Variants in PKP4 observed in about 807,000 individuals in gnomAD.
The protein encoded by PKP4 is plakophilin 4.
Under a neutral mutation model 145.1 loss-of-function variants are expected in PKP4, and 90 were observed. The observed-to-expected ratio is 0.62, with a 90% CI of 0.52 to 0.74. The LOEUF (loss-of-function observed/expected upper bound fraction) is 0.74, where lower values mean the gene tolerates loss of function less well. Among genes scored for constraint, PKP4 ranks in the 30% least tolerant of loss-of-function variants. The probability of loss-of-function intolerance (pLI) is 0.00; values close to 1 mark genes in which losing one functional copy is unlikely to be tolerated. For synonymous variants in PKP4, 563 were observed against 577.2 expected, an observed-to-expected ratio of 0.98 and a Z score of 0.35; for missense variants, 1,340 against 1,482.7, an observed-to-expected ratio of 0.90 and a Z score of 1.58.
chr2:158,533,705 T>G (rs1171744957), intron 2 of PKP4, among the ~76,000 whole-genome samples: 5 of 152,202 alleles, frequency 3.3e-5, no homozygotes, highest in Admixed American at 1.3e-4. Flanking sequence ...TTAACATAGG[T>G]AGTATATAGG....
intron 1 of PKP4, among the ~76,000 whole-genome samples, chr2:158,509,006 A>G (rs1195495290): frequency 6.6e-6 from 1 of 152,342 alleles, no homozygotes; most frequent in East Asian, 1.9e-4. Context: ...AGTATCTAAG[A>G]GAAATATCTA....
At chr2:158,523,118 T>G (rs1157928932) in intron 1 of PKP4, among the ~76,000 whole-genome samples, 1 of 152,126 alleles carries the variant, frequency 6.6e-6, no homozygotes, top group African/African-American at 2.4e-5. Flanking sequence ...TACAACTGGG[T>G]GGAGCCCACC....
chr2:158,619,197 T>C (rs1288851559), intron 4 of PKP4, among the ~76,000 whole-genome samples: 1 of 152,218 alleles, frequency 6.6e-6, no homozygotes, highest in African/African-American at 2.4e-5. Context: ...TAAGAATGTT[T>C]AGAACTCTGG....
chr2:158,639,218 T>C (rs2054065022), intron 9 of PKP4, among the ~76,000 whole-genome samples: 1 of 152,210 alleles, frequency 6.6e-6, no homozygotes. Context: ...GACTAAACTT[T>C]TTAGTTTGGC....
chr2:158,500,948 C>T (rs1394661904), intron 1 of PKP4, among the ~76,000 whole-genome samples: 1 of 152,102 alleles, frequency 6.6e-6, no homozygotes, highest in Non-Finnish European at 1.5e-5. Flanking sequence ...CTTGATACTG[C>T]CTCTAATGAA....
At chr2:158,614,446 A>T (rs2051403539) in intron 4 of PKP4, among the ~76,000 whole-genome samples, 1 of 152,334 alleles carries the variant, frequency 6.6e-6, no homozygotes, top group Non-Finnish European at 1.5e-5. Flanking sequence ...AAATGGATGC[A>T]TGAGTTTCCC....
chr2:158,474,851 C>T (rs1221405281), intron 1 of PKP4, among the ~76,000 whole-genome samples: 2 of 152,184 alleles, frequency 1.3e-5, no homozygotes, highest in Admixed American at 1.3e-4. Context: ...GAAGAGCCCT[C>T]AAGAGGTATG....
chr2:158,474,344 T>G (rs1692105456), intron 1 of PKP4, among the ~76,000 whole-genome samples: 1 of 152,202 alleles, frequency 6.6e-6, no homozygotes, highest in Non-Finnish European at 1.5e-5. Context: ...ATATCACTTC[T>G]AAGACATTAT....
intron 11 of PKP4, among the ~76,000 whole-genome samples, chr2:158,649,827 G>A (rs1003237286): frequency 2.0e-4 from 30 of 152,340 alleles, no homozygotes; most frequent in African/African-American, 6.5e-4. Flanking sequence ...TGGGAATATG[G>A]AGACCCCAGG....
intron 4 of PKP4, among the ~76,000 whole-genome samples, chr2:158,617,580 T>C (rs1329125640): frequency 1.3e-5 from 2 of 152,198 alleles, no homozygotes; most frequent in African/African-American, 2.4e-5. Flanking sequence ...TAAAATTCAT[T>C]CATCTTAAAG....
At chr2:158,532,508 C>T (rs1442443787) in intron 1 of PKP4, among the ~76,000 whole-genome samples, 1 of 152,150 alleles carries the variant, frequency 6.6e-6, no homozygotes, top group Non-Finnish European at 1.5e-5. Context: ...TAACATTTTA[C>T]ACTAATCATC....
At chr2:158,593,853 A>G (rs1007667801) in intron 3 of PKP4, among the ~76,000 whole-genome samples, 5 of 152,240 alleles carry the variant, frequency 3.3e-5, no homozygotes, top group African/African-American at 1.2e-4. Flanking sequence ...AGGGCCATGA[A>G]TAAGACCAAA....
At chr2:158,601,020 A>G (rs573168982) in intron 3 of PKP4, among the ~76,000 whole-genome samples, 15 of 152,338 alleles carry the variant, frequency 9.8e-5, no homozygotes, top group African/African-American at 2.9e-4. Flanking sequence ...TGACCTGCTT[A>G]TACTAGGTAA....
intron 1 of PKP4, among the ~76,000 whole-genome samples, chr2:158,481,681 AT>A (rs1287779988): frequency 5.3e-5 from 8 of 152,166 alleles, no homozygotes; most frequent in Non-Finnish European, 1.2e-4. Context: ...GACCATTTGT[AT>A]GTCTTCTTTG....
intron 2 of PKP4, chr2:158,549,066 T>C: frequency 5.5e-6 from 1 of 182,880 alleles, no homozygotes; most frequent in Non-Finnish European, 1.2e-5. Context: ...ACAAAGGAGC[T>C]TCGGTTAGCT....
At chr2:158,589,579 T>C (rs988083816) in intron 3 of PKP4, among the ~76,000 whole-genome samples, 2 of 152,168 alleles carry the variant, frequency 1.3e-5, no homozygotes, top group African/African-American at 2.4e-5. Context: ...TTCACAAACA[T>C]GTACAAGAGG....
At chr2:158,531,039 A>T (rs559465913) in intron 1 of PKP4, among the ~76,000 whole-genome samples, 6 of 152,112 alleles carry the variant, frequency 3.9e-5, no homozygotes, top group African/African-American at 1.2e-4. Context: ...CTAATGGTCA[A>T]TGTCCCTGGG....
At chr2:158,650,761 C>T (rs1196110603) in intron 11 of PKP4, among the ~76,000 whole-genome samples, 1 of 152,220 alleles carries the variant, frequency 6.6e-6, no homozygotes, top group Non-Finnish European at 1.5e-5. Context: ...GAGTGAGCTC[C>T]CCCGTGCCCC....
chr2:158,469,480 A>G lies in PKP4; in HGVS notation c.-6+12262A>G, dbSNP rs1482343060. Among the ~76,000 whole-genome samples the G allele has an allele frequency of 2.0e-5, 3 of 152,122 alleles. No individual in the cohort carries two copies. In the East Asian group the frequency reaches 5.8e-4, roughly 29 times the overall value. On this transcript the variant is annotated intron_variant, in intron 1 of 21. Coordinates refer to ENST00000389759, the MANE Select transcript of PKP4 (RefSeq NM_003628.6). ...TTGTACATACCTCTGCCAGAGAAAT[A>G]TGTTGAAATTGCATCTGGCTAAATG...
Sources: gnomAD v4.1 joint callset for allele counts (sites outside exome capture counted in the v4.1 genomes callset) on GRCh38, gnomAD v4.1.1 for gene constraint, MANE v1.5 for transcripts, NCBI Gene and HGNC (gene_info 2026-07-23, HGNC 2026-07-21) for gene names.